The following ARHGAP18 variants were observed in gnomAD, a reference collection of about 807,000 sequenced individuals.
ARHGAP18 encodes Rho GTPase activating protein 18.
A neutral mutation model predicts 86.2 loss-of-function variants in ARHGAP18; 67 were observed. The ratio of observed to expected loss-of-function variants is 0.78; its 90% CI spans 0.64 to 0.95. The LOEUF (loss-of-function observed/expected upper bound fraction) is 0.95, where lower values mean the gene tolerates loss of function less well. ARHGAP18 is among the 40% of genes least tolerant of loss of function. The pLI, the probability that ARHGAP18 is intolerant of heterozygous loss-of-function variation, is 0.00. For missense variants in ARHGAP18, 691 were observed against 780.4 expected (o/e 0.89, Z 1.37); for synonymous variants, 283 against 280.4 (o/e 1.01, Z -0.09).
intron 1 of ARHGAP18, among the ~76,000 whole-genome samples, chr6:129,703,331 T>C (rs1316243789): frequency 1.3e-5 from 2 of 152,204 alleles, no homozygotes; most frequent in African/African-American, 4.8e-5. Context: ...GCTTCAACAC[T>C]TGTAGAAGTA....
At chr6:129,580,249 A>AATT in intron 13 of ARHGAP18, 118 bp from the exon 14 acceptor site, 2 of 794,432 alleles carry the variant, frequency 2.5e-6, no homozygotes, top group Non-Finnish European at 4.2e-6. Flanking sequence ...GACACACTGT[A>AATT]ATTATCTACA....
intron 7 of ARHGAP18, among the ~76,000 whole-genome samples, chr6:129,613,758 A>G (rs1789032899): frequency 6.6e-6 from 1 of 152,206 alleles, no homozygotes; most frequent in African/African-American, 2.4e-5. Flanking sequence ...TAAAATATAA[A>G]TAATACTTTA....
chr6:129,625,607 T>TTATTATATATATTTA (rs1789406959), intron 5 of ARHGAP18, among the ~76,000 whole-genome samples: 2 of 39,360 alleles, frequency 5.1e-5, no homozygotes, highest in Admixed American at 9.6e-4. Context: ...ATATTATATA[T>TTATTATATATATTTA]TATTATATAT....
chr6:129,678,733 A>T (rs1349536977), intron 1 of ARHGAP18, among the ~76,000 whole-genome samples: 1 of 152,248 alleles, frequency 6.6e-6, no homozygotes, highest in Admixed American at 6.5e-5. Flanking sequence ...TTGTAGTATT[A>T]AATTTTTCTA....
intron 1 of ARHGAP18, among the ~76,000 whole-genome samples, chr6:129,655,371 G>GCCTGTAGA: frequency 6.8e-6 from 1 of 147,232 alleles, no homozygotes; most frequent in Non-Finnish European, 1.5e-5. Flanking sequence ...AGAAAACAGA[G>GCCTGTAGA]CCTGTAGAGA....
chr6:129,599,353 G>A lies in ARHGAP18; in HGVS notation c.1576C>T (p.Pro526Ser). ...CTCACTTGGTTTACAATAAACTTGG[G>A]AATCTATAGAGAAAAGGAATTAAGC... is the stretch of plus-strand genomic sequence containing the variant. The part of the protein sequence containing the change: ...IKYQKLLWTI[P>S]KFIVNQVRKQ... The change falls in exon 12 of 15, where the codon CCC (proline) becomes TCC (serine). Residue 526 changes from proline (P) to serine (S), a missense_variant. By Grantham distance (74) the Pro-to-Ser change is moderately conservative. Coordinates refer to ENST00000368149, the MANE Select transcript of ARHGAP18 (RefSeq NM_033515.3). The A allele has an allele frequency of 6.5e-7, 1 of 1,538,466 alleles. No homozygotes were observed.
chr6:129,680,544 T>C (rs1325031263), intron 1 of ARHGAP18, among the ~76,000 whole-genome samples: 1 of 152,256 alleles, frequency 6.6e-6, no homozygotes, highest in Non-Finnish European at 1.5e-5. Flanking sequence ...TTCAGAACTC[T>C]GGCTTGACAC....
chr6:129,692,564 G>A (rs186606120), intron 1 of ARHGAP18, among the ~76,000 whole-genome samples: 2 of 152,288 alleles, frequency 1.3e-5, no homozygotes, highest in African/African-American at 4.8e-5. Context: ...AACTCTACAG[G>A]GAAAAGGCAG....
intron 7 of ARHGAP18, among the ~76,000 whole-genome samples, chr6:129,614,770 G>C (rs890892467): frequency 9.1e-6 from 1 of 109,442 alleles, no homozygotes; most frequent in African/African-American, 3.6e-5. Flanking sequence ...TTTTTTTTTT[G>C]GTTGTCACAG....
chr6:129,620,633 A>G (rs1789207928), intron 5 of ARHGAP18, among the ~76,000 whole-genome samples: 1 of 152,206 alleles, frequency 6.6e-6, no homozygotes, highest in Non-Finnish European at 1.5e-5. Flanking sequence ...TGAATTTTTC[A>G]TTTAATTCAA....
Position 129,625,728 on chromosome 6 carries a change from A to ATATT in ARHGAP18, c.786+3621_786+3624dup, listed in dbSNP as rs1215751713. Among the ~76,000 whole-genome samples, 5 of 56,988 alleles carry ATATT rather than the reference A, an allele frequency of 8.8e-5. 1 individual carries two copies. The highest frequency in any genetic ancestry group is 1.1e-3 in the East Asian group (2 of 1,766). The allele number at this position is 56,988 out of a possible 152,430, so 37.4% of individuals were successfully genotyped here. On this transcript the variant is annotated intron_variant, in intron 5 of 14. Transcript: ENST00000368149. ...TATATTATATATTTATATATTATAT[A>ATATT]TATTTATTATATATTTATATATTAT...
intron 1 of ARHGAP18, among the ~76,000 whole-genome samples, chr6:129,662,783 T>C (rs1433402382): frequency 6.6e-6 from 1 of 152,216 alleles, no homozygotes; most frequent in Admixed American, 6.5e-5. Context: ...CTAAACTGAA[T>C]GTGTAAGTGA....
chr6:129,606,373 G>C (rs900993853), intron 9 of ARHGAP18, among the ~76,000 whole-genome samples: 27 of 152,270 alleles, frequency 1.8e-4, no homozygotes, highest in Admixed American at 2.6e-4. Context: ...TGCATGGTAA[G>C]AGTCCATCAG....
chr6:129,627,521 A>C (rs1251523375), intron 5 of ARHGAP18, among the ~76,000 whole-genome samples: 3 of 152,114 alleles, frequency 2.0e-5, no homozygotes, highest in Admixed American at 1.3e-4. Context: ...AAGAAACAAA[A>C]GAACATATTA....
intron 1 of ARHGAP18, among the ~76,000 whole-genome samples, chr6:129,675,383 CAA>C (rs71664105): frequency 4.5e-4 from 41 of 90,570 alleles, no homozygotes; most frequent in African/African-American, 7.8e-4. Flanking sequence ...GACTCCATCT[CAA>C]AAAAAAAAAA....
intron 7 of ARHGAP18, among the ~76,000 whole-genome samples, chr6:129,613,380 A>T (rs1478418470): frequency 1.3e-5 from 2 of 152,238 alleles, no homozygotes; most frequent in Non-Finnish European, 2.9e-5. Flanking sequence ...TAAAGCATTT[A>T]AAACCTAATG....
chr6:129,637,004 T>G (rs1022688322), intron 3 of ARHGAP18, among the ~76,000 whole-genome samples: 2 of 152,224 alleles, frequency 1.3e-5, no homozygotes, highest in Admixed American at 1.3e-4. Context: ...ATCCACCAAC[T>G]GGCTTATTTG....
chr6:129,660,076 G>C (rs991037281), intron 1 of ARHGAP18, among the ~76,000 whole-genome samples: 1 of 152,222 alleles, frequency 6.6e-6, no homozygotes, highest in African/African-American at 2.4e-5. Flanking sequence ...GAAGGCACCA[G>C]ATAGGGGGTT....
intron 12 of ARHGAP18, among the ~76,000 whole-genome samples, chr6:129,591,132 A>C (rs920070125): frequency 2.6e-5 from 4 of 152,224 alleles, no homozygotes; most frequent in Non-Finnish European, 4.4e-5. Flanking sequence ...TACTAGAATC[A>C]TGCTGTATCG....
Sources: allele counts gnomAD v4.1 joint callset (sites outside exome capture counted in the v4.1 genomes callset), GRCh38; gene constraint gnomAD v4.1.1; transcripts MANE v1.5; gene names NCBI Gene and HGNC (gene_info 2026-07-23, HGNC 2026-07-21).